Variants in DLGAP1 observed in about 807,000 individuals in gnomAD.
The protein encoded by DLGAP1 is disks large-associated protein 1.
A neutral mutation model predicts 90.8 loss-of-function variants in DLGAP1; 11 were observed. The ratio of observed to expected loss-of-function variants is 0.12; its 90% CI spans 0.08 to 0.20. The LOEUF is 0.20. Ranked by LOEUF, DLGAP1 falls within the 10% of genes least tolerant of loss-of-function variation. The pLI is 1.00. For synonymous variants in DLGAP1, 558 were observed against 540.7 expected (o/e 1.03, Z -0.44); for missense variants, 1,050 against 1,333.8 (o/e 0.79, Z 3.31).
chr18:4,114,887 G>C (rs1419691380), intron 2 of DLGAP1, among the ~76,000 whole-genome samples: 1 of 151,990 alleles, frequency 6.6e-6, no homozygotes, highest in Non-Finnish European at 1.5e-5. Flanking sequence ...GTTGGGCTTT[G>C]TTATTTTTCC....
At chr18:4,136,469 T>G (rs1220622194) in intron 2 of DLGAP1, among the ~76,000 whole-genome samples, 1 of 152,208 alleles carries the variant, frequency 6.6e-6, no homozygotes, top group Non-Finnish European at 1.5e-5. Flanking sequence ...ATAGCTTTGA[T>G]TTGCATTTCT....
At chr18:4,200,278 A>G (rs1474678436) in intron 1 of DLGAP1, among the ~76,000 whole-genome samples, 1 of 152,032 alleles carries the variant, frequency 6.6e-6, no homozygotes, top group East Asian at 1.9e-4. Flanking sequence ...CTCTTTCAGA[A>G]ATATGCCCTC....
chr18:3,729,472 A>G lies in DLGAP1; in HGVS notation c.1351-97T>C. On this transcript the variant is annotated intron_variant, in intron 6 of 12. Coordinates refer to ENST00000315677, the MANE Select transcript of DLGAP1 (RefSeq NM_004746.4). The surrounding 1 kb of genome is among the most constrained non-coding windows in gnomAD (Gnocchi z 6.2). ...AACTTCAATCCCCAGAAGAAAAAGC[A>G]GCGTCTGGTTAGATTAAGCTCAAAT... 6.7e-7 allele frequency: 1 copy of G among 1,497,890 alleles called. No homozygotes were observed. Among genetic ancestry groups the G allele is most frequent in the South Asian group, 1.3e-5 (1 of 75,474 alleles). The allele number at this position is 1,497,890 out of a possible 1,614,324, so 92.8% of individuals were successfully genotyped here.
At chr18:4,428,047 C>T (rs2083195848) in intron 1 of DLGAP1, among the ~76,000 whole-genome samples, 1 of 152,154 alleles carries the variant, frequency 6.6e-6, no homozygotes. Context: ...AAAGATGTTC[C>T]ACTTCTCTGA....
chr18:4,269,805 A>G (rs2079233211), intron 1 of DLGAP1, among the ~76,000 whole-genome samples: 1 of 152,170 alleles, frequency 6.6e-6, no homozygotes, highest in Admixed American at 6.5e-5. Context: ...CAATGCATAC[A>G]TTTATCTAGA....
At chr18:4,007,312 G>C (rs148502700) in intron 2 of DLGAP1, among the ~76,000 whole-genome samples, 1 of 152,220 alleles carries the variant, frequency 6.6e-6, no homozygotes, top group Non-Finnish European at 1.5e-5. Context: ...GAGCATTTGA[G>C]TTCCAACCCC....
intron 1 of DLGAP1, among the ~76,000 whole-genome samples, chr18:4,156,167 T>C (rs140428952): frequency 6.4e-4 from 97 of 152,330 alleles, no homozygotes; most frequent in African/African-American, 2.3e-3. Context: ...TAGGGAAAGC[T>C]GATACGTTCA....
At chr18:4,128,143 G>T (rs999127695) in intron 2 of DLGAP1, among the ~76,000 whole-genome samples, 1 of 152,034 alleles carries the variant, frequency 6.6e-6, no homozygotes. Flanking sequence ...AACATCCGTG[G>T]ATACAATCAA....
At chr18:4,363,248 T>G (rs2081669677) in intron 1 of DLGAP1, among the ~76,000 whole-genome samples, 2 of 152,104 alleles carry the variant, frequency 1.3e-5, no homozygotes, top group Admixed American at 1.3e-4. Flanking sequence ...GCCCGGGCTA[T>G]CCACACATCC....
chr18:3,606,608 A>G (rs1362351783), intron 7 of DLGAP1: 1 of 152,224 alleles, frequency 6.6e-6, no homozygotes, highest in East Asian at 1.9e-4. Context: ...AAGGAAAAAG[A>G]AAATCACTAT....
At chr18:4,135,603 C>T (rs575549952) in intron 2 of DLGAP1, among the ~76,000 whole-genome samples, 2 of 152,110 alleles carry the variant, frequency 1.3e-5, no homozygotes, top group South Asian at 4.2e-4. Flanking sequence ...CTCCACTCCC[C>T]ACTACACTTC....
chr18:3,978,672 G>C (rs1479075792), intron 3 of DLGAP1: 1 of 157,398 alleles, frequency 6.4e-6, no homozygotes, highest in African/African-American at 2.4e-5. Flanking sequence ...CTGTCAAATG[G>C]GAGGAGCAGA....
At chr18:4,236,217 A>G (rs112964586) in intron 1 of DLGAP1, among the ~76,000 whole-genome samples, 2,935 of 152,320 alleles carry the variant, frequency 0.019, 99 homozygotes, top group African/African-American at 0.068. Flanking sequence ...GGTTTCAATC[A>G]GTAAGTACAT....
intron 2 of DLGAP1, among the ~76,000 whole-genome samples, chr18:4,124,303 C>T (rs189308824): frequency 7.9e-5 from 12 of 152,346 alleles, no homozygotes; most frequent in Non-Finnish European, 1.3e-4. Context: ...TCCACCCCTA[C>T]ACCTCCAAAA....
intron 3 of DLGAP1, chr18:3,983,126 T>G (rs1311143178): frequency 6.6e-6 from 1 of 152,180 alleles, no homozygotes; most frequent in Admixed American, 6.5e-5. Context: ...TTAGATTTAT[T>G]TTTCCTTATT....
At chr18:3,628,132 T>C (rs1305969342) in intron 7 of DLGAP1, among the ~76,000 whole-genome samples, 2 of 151,146 alleles carry the variant, frequency 1.3e-5, no homozygotes, top group Non-Finnish European at 2.9e-5. Flanking sequence ...CGCCTTGGCC[T>C]CCCAAAGTGG....
intron 1 of DLGAP1, among the ~76,000 whole-genome samples, chr18:4,350,272 A>G (rs1430093222): frequency 6.6e-6 from 1 of 152,142 alleles, no homozygotes; most frequent in Non-Finnish European, 1.5e-5. Flanking sequence ...ATCGGATACA[A>G]TGAAGTTCAG....
intron 7 of DLGAP1, among the ~76,000 whole-genome samples, chr18:3,680,582 T>C (rs2146885132): frequency 6.6e-6 from 1 of 152,042 alleles, no homozygotes; most frequent in Admixed American, 6.6e-5. Flanking sequence ...AGTCAGGAGA[T>C]CAAGACCATC....
chr18:3,680,710 A>G (rs1199780020), intron 7 of DLGAP1, among the ~76,000 whole-genome samples: 2 of 147,206 alleles, frequency 1.4e-5, no homozygotes, highest in African/African-American at 2.5e-5. Context: ...AATGGCGTGA[A>G]CCCGGGAGGC....
Sources: allele counts gnomAD v4.1 joint callset (sites outside exome capture counted in the v4.1 genomes callset), GRCh38; gene constraint gnomAD v4.1.1; non-coding constraint Gnocchi (gnomAD v3.1); transcripts MANE v1.5; gene names NCBI Gene and HGNC (gene_info 2026-07-23, HGNC 2026-07-21).